Variants in TBL1XR1 observed in about 807,000 individuals in gnomAD.
TBL1XR1 encodes TBL1X/Y related 1, also known as F-box-like/WD repeat-containing protein TBL1XR1.
A neutral mutation model predicts 66.9 loss-of-function variants in TBL1XR1; 5 were observed. That is an observed-to-expected ratio of 0.07 (90% CI 0.04 to 0.16). The LOEUF (loss-of-function observed/expected upper bound fraction) is 0.16. Ranked by LOEUF, TBL1XR1 falls within the 10% of genes least tolerant of loss-of-function variation. The pLI is 1.00. For missense variants in TBL1XR1, 238 were observed against 623.2 expected (o/e 0.38, Z 6.58); for synonymous variants, 210 against 206.0 (o/e 1.02, Z -0.17).
rs938238794 is a variant in TBL1XR1, at chr3:177,197,262, G to A, written c.-263C>T. 1.8e-4 allele frequency: 27 copies of A among 151,398 alleles called. No individual in the cohort carries two copies. The highest frequency in any genetic ancestry group is 6.3e-4 in the African/African-American group (26 of 41,344). The allele number at this position is 151,398 out of a possible 1,614,324, so 9.4% of individuals were successfully genotyped here. A position where few individuals can be genotyped will look rare whatever the true frequency, so the allele number is the denominator to read the frequency against. The stretch of plus-strand genomic sequence containing the variant: ...GGGGTGAGAGGCAATTATAACCCCA[G>A]CGAGCGGAGGGCGCGGGGGATGGGC... On this transcript the variant is annotated 5_prime_UTR_variant, in exon 1 of 16. Transcript: ENST00000457928.
chr3:177,135,845 T>C (rs1728930923), intron 1 of TBL1XR1, among the ~76,000 whole-genome samples: 1 of 151,956 alleles, frequency 6.6e-6, no homozygotes, highest in Non-Finnish European at 1.5e-5. Context: ...CTGTTTTTTT[T>C]TTAAACCATG....
chr3:177,032,362 A>G (rs557338552), intron 14 of TBL1XR1: 3 of 152,374 alleles, frequency 2.0e-5, no homozygotes, highest in African/African-American at 4.8e-5. Context: ...GAAATACACC[A>G]TAACAACTTA....
At chr3:177,091,298 T>G (rs1722814727) in intron 2 of TBL1XR1, 1 of 152,154 alleles carries the variant, frequency 6.6e-6, no homozygotes, top group South Asian at 2.1e-4. Context: ...TTTCTACATT[T>G]ACATGTACTT....
At chr3:177,039,312 G>A (rs1341742629) in intron 10 of TBL1XR1, among the ~76,000 whole-genome samples, 1 of 152,172 alleles carries the variant, frequency 6.6e-6, no homozygotes, top group African/African-American at 2.4e-5. Context: ...TGAAGACCAG[G>A]TGAGATCATG....
chr3:177,087,262 G>A (rs539483899), intron 2 of TBL1XR1, among the ~76,000 whole-genome samples: 19 of 151,030 alleles, frequency 1.3e-4, no homozygotes, highest in Non-Finnish European at 2.4e-4. Context: ...ATGGTTTTTG[G>A]CATTTTTCTC....
intron 1 of TBL1XR1, chr3:177,196,537 C>A (rs1736872280): frequency 6.7e-6 from 1 of 148,288 alleles, no homozygotes; most frequent in Non-Finnish European, 1.5e-5. Context: ...CCGCCCGCAG[C>A]CCCCAGCACG....
intron 1 of TBL1XR1, among the ~76,000 whole-genome samples, chr3:177,137,999 C>T (rs2108809583): frequency 6.6e-6 from 1 of 152,192 alleles, no homozygotes; most frequent in South Asian, 2.1e-4. Flanking sequence ...AGCACTGTTG[C>T]AAAGCGAGTA....
chr3:177,057,052 C>A (rs1336455893), intron 3 of TBL1XR1, among the ~76,000 whole-genome samples: 5 of 152,318 alleles, frequency 3.3e-5, no homozygotes, highest in Admixed American at 1.3e-4. Flanking sequence ...AATTATGGCA[C>A]ACAGTTGTTT....
chr3:177,112,208 A>C (rs1266466647), intron 1 of TBL1XR1, among the ~76,000 whole-genome samples: 1 of 147,666 alleles, frequency 6.8e-6, no homozygotes, highest in Non-Finnish European at 1.5e-5. Flanking sequence ...CCCGGGTTCA[A>C]GCAATTCTCC....
chr3:177,050,259 TC>T, intron 6 of TBL1XR1, 121 bp from the exon 7 acceptor site: 1 of 1,370,796 alleles, frequency 7.3e-7, no homozygotes, highest in Middle Eastern at 2.2e-4. Flanking sequence ...AATTTTCATT[TC>T]CAGTATTTTT....
intron 14 of TBL1XR1, among the ~76,000 whole-genome samples, chr3:177,028,473 T>C (rs539656626): frequency 1.3e-5 from 2 of 152,150 alleles, no homozygotes; most frequent in Admixed American, 6.5e-5. Context: ...ATGTTCTAAA[T>C]GTGAGCAACA....
intron 1 of TBL1XR1, among the ~76,000 whole-genome samples, chr3:177,134,484 C>CTATA (rs1469361712): frequency 6.6e-6 from 1 of 152,088 alleles, no homozygotes; most frequent in African/African-American, 2.4e-5. Context: ...GTGTTACATT[C>CTATA]TATAACACAT....
chr3:177,176,324 G>C (rs1484726518), intron 1 of TBL1XR1, among the ~76,000 whole-genome samples: 1 of 150,874 alleles, frequency 6.6e-6, no homozygotes, highest in South Asian at 2.1e-4. Flanking sequence ...AGCCTCCCGA[G>C]TAGCTGCGAT....
chr3:177,196,516 G>C (rs1736870640), intron 1 of TBL1XR1: 1 of 147,506 alleles, frequency 6.8e-6, no homozygotes, highest in Non-Finnish European at 1.5e-5. Context: ...CCGGACGCGC[G>C]GCCCCAACAG....
chr3:177,187,755 A>G (rs558124744), intron 1 of TBL1XR1, among the ~76,000 whole-genome samples: 1 of 152,182 alleles, frequency 6.6e-6, no homozygotes, highest in East Asian at 1.9e-4. Flanking sequence ...AGAAACACAA[A>G]AGGTTATCAG....
At chr3:177,053,717 A>T in intron 4 of TBL1XR1, 56 bp downstream of exon 4, 1 of 1,511,206 alleles carries the variant, frequency 6.6e-7, no homozygotes. Context: ...AAGACAGCTG[A>T]CTTAACGGCA....
At chr3:177,136,928 G>T (rs978878816) in intron 1 of TBL1XR1, among the ~76,000 whole-genome samples, 2 of 152,292 alleles carry the variant, frequency 1.3e-5, no homozygotes, top group African/African-American at 4.8e-5. Flanking sequence ...TGTCATGAGT[G>T]ATTAGATAAA....
chr3:177,044,403 T>C (rs1052149461), intron 10 of TBL1XR1, among the ~76,000 whole-genome samples: 1 of 152,154 alleles, frequency 6.6e-6, no homozygotes, highest in African/African-American at 2.4e-5. Flanking sequence ...GAATAAGATA[T>C]ATTTTGTATA....
intron 1 of TBL1XR1, among the ~76,000 whole-genome samples, chr3:177,191,003 T>C (rs950513520): frequency 2.0e-5 from 3 of 152,064 alleles, no homozygotes; most frequent in Admixed American, 6.6e-5. Context: ...AAAGGATTCA[T>C]GGAAGAAGGG....
Sources: allele counts gnomAD v4.1 joint callset (sites outside exome capture counted in the v4.1 genomes callset), GRCh38; gene constraint gnomAD v4.1.1; transcripts MANE v1.5; gene names NCBI Gene and HGNC (gene_info 2026-07-23, HGNC 2026-07-21).